The following SEC14L1 variants were observed in gnomAD, a reference collection of about 807,000 sequenced individuals.
SEC14L1 encodes the protein SEC14 like lipid binding 1, also known as SEC14-like protein 1.
SEC14L1 carries 48 observed loss-of-function variants against 85.3 expected under a neutral mutation model. That is an observed-to-expected ratio of 0.56 (90% CI 0.45 to 0.72). SEC14L1 has a LOEUF of 0.72. Among genes scored for constraint, SEC14L1 ranks in the 30% least tolerant of loss-of-function variants. The probability of loss-of-function intolerance (pLI) is 0.00; values close to 1 mark genes in which losing one functional copy is unlikely to be tolerated. For synonymous variants in SEC14L1, 391 were observed against 355.5 expected, an observed-to-expected ratio of 1.10 and a Z score of -1.12; for missense variants, 682 against 921.4, an observed-to-expected ratio of 0.74 and a Z score of 3.36.
intron 8 of SEC14L1, 54 bp from the exon 9 acceptor site, chr17:77,200,430 A>G (rs1976074188): frequency 6.7e-7 from 1 of 1,498,234 alleles, no homozygotes; most frequent in Non-Finnish European, 9.2e-7. Flanking sequence ...CAGCCTCCCA[A>G]AGTTCCCTTC....
Position 77,215,723 on chromosome 17 carries a change from C to T in SEC14L1, c.*1700C>T, listed in dbSNP as rs1161205970. 48 of 990,944 alleles carry T rather than the reference C, an allele frequency of 4.8e-5. No homozygotes were observed. Among genetic ancestry groups the T allele is most frequent in the Non-Finnish European group, 5.6e-5 (47 of 833,446 alleles). 61.4% of individuals were successfully genotyped at this position (990,944 alleles called of 1,614,324 possible). A position where few individuals can be genotyped will look rare whatever the true frequency, so the allele number is the denominator to read the frequency against. On this transcript the variant is annotated 3_prime_UTR_variant, in exon 17 of 17. Transcript: ENST00000436233. Reference sequence around the variant, plus strand: ...TGCTTCCGGAAAGCGCGGTAGGGTTCGTAGGTAGGGCTAGTAGGTAGGGTT... The same window carrying T: ...TGCTTCCGGAAAGCGCGGTAGGGTTTGTAGGTAGGGCTAGTAGGTAGGGTT...
intron 8 of SEC14L1, chr17:77,198,973 A>G (rs533683154): frequency 6.6e-6 from 1 of 151,698 alleles, no homozygotes; most frequent in Non-Finnish European, 1.5e-5. Flanking sequence ...TTTTTGAGAT[A>G]AACTTTCAAG....
In SEC14L1 at chr17:77,191,240, T is replaced by C; in HGVS notation, c.273T>C (p.Arg91=). The C allele has an allele frequency of 6.2e-7, 1 of 1,613,878 alleles. No individual in the cohort carries two copies. The highest frequency in any genetic ancestry group is 1.1e-5 in the South Asian group (1 of 91,078). The change falls in exon 5 of 17, where the codon CGT becomes CGC. Residue 91 remains arginine, a synonymous_variant. Coordinates refer to ENST00000436233, the MANE Select transcript of SEC14L1 (RefSeq NM_001143998.2). The stretch of plus-strand genomic sequence containing the variant: ...AAAACTCACTGAATTCTCGGGAACG[T>C]ACTTTGCACATTGAGGCTTATAATG... The part of the protein sequence containing the change: ...VQKNSLNSRE[R]TLHIEAYNET...
At chr17:77,154,047 C>G (rs947923026) in intron 3 of SEC14L1, among the ~76,000 whole-genome samples, 2 of 152,062 alleles carry the variant, frequency 1.3e-5, no homozygotes, top group South Asian at 2.1e-4. Flanking sequence ...AACCGTGGAT[C>G]AGAAATGTTC....
chr17:77,175,126 G>A (rs1555623845), intron 3 of SEC14L1, among the ~76,000 whole-genome samples: 1 of 152,220 alleles, frequency 6.6e-6, no homozygotes, highest in Non-Finnish European at 1.5e-5. Flanking sequence ...AGAAACAAGA[G>A]AGTATAAGGA....
chr17:77,195,255 C>G (rs1459711260), intron 7 of SEC14L1, among the ~76,000 whole-genome samples: 2 of 151,646 alleles, frequency 1.3e-5, no homozygotes, highest in East Asian at 1.9e-4. Context: ...CTCGGCCTCC[C>G]AAAGTGCTGG....
intron 3 of SEC14L1, among the ~76,000 whole-genome samples, chr17:77,156,790 C>G (rs185306875): frequency 6.6e-6 from 1 of 152,178 alleles, no homozygotes; most frequent in African/African-American, 2.4e-5. Context: ...GAATCTGATG[C>G]AAATCATGTT....
chr17:77,187,225 T>C (rs1288472505), intron 3 of SEC14L1, among the ~76,000 whole-genome samples: 2 of 152,142 alleles, frequency 1.3e-5, no homozygotes, highest in African/African-American at 2.4e-5. Flanking sequence ...GCTCAACCCA[T>C]ACAACCTTAC....
At chr17:77,103,955 G>A (rs372023479) in intron 3 of SEC14L1, among the ~76,000 whole-genome samples, 6 of 151,238 alleles carry the variant, frequency 4.0e-5, no homozygotes, top group African/African-American at 1.5e-4. Flanking sequence ...CACCTGGCAC[G>A]CCCTGCCCCT....
chr17:77,170,195 A>G (rs1974463829), intron 3 of SEC14L1, among the ~76,000 whole-genome samples: 1 of 152,144 alleles, frequency 6.6e-6, no homozygotes, highest in Non-Finnish European at 1.5e-5. Flanking sequence ...TAGCTGGGGA[A>G]AGGAAGCTAA....
intron 3 of SEC14L1, among the ~76,000 whole-genome samples, chr17:77,117,301 C>T (rs943741005): frequency 6.6e-6 from 1 of 151,970 alleles, no homozygotes; most frequent in African/African-American, 2.4e-5. Flanking sequence ...GAGCCAAGAT[C>T]GAGCCACTGC....
At chr17:77,147,890 T>G (rs1973383034) in intron 3 of SEC14L1, among the ~76,000 whole-genome samples, 1 of 152,136 alleles carries the variant, frequency 6.6e-6, no homozygotes, top group Non-Finnish European at 1.5e-5. Flanking sequence ...TTGATCAGTT[T>G]TAACCAAAGG....
rs535622497 is a variant in SEC14L1, at chr17:77,125,720, G to A, written c.-135-16926G>A. ...CTAGGCTTTCACTCGGGGCCTTCCT[G>A]TGCTGGAGGCCCCTGGCCATCCCAC... is the stretch of plus-strand genomic sequence containing the variant. On this transcript the variant is annotated intron_variant, in intron 3 of 19. Transcript: ENST00000392476. Among the ~76,000 whole-genome samples the A allele has an allele frequency of 5.3e-5, 8 of 152,346 alleles. No homozygotes were observed. In the South Asian group the frequency reaches 1.7e-3, roughly 32 times the overall value.
chr17:77,169,923 G>A (rs973899564), intron 3 of SEC14L1, among the ~76,000 whole-genome samples: 3 of 152,156 alleles, frequency 2.0e-5, no homozygotes, highest in Non-Finnish European at 4.4e-5. Context: ...ACAACCTATT[G>A]AGGAGGTCCA....
intron 3 of SEC14L1, among the ~76,000 whole-genome samples, chr17:77,165,965 G>T (rs117763175): frequency 0.03 from 4,537 of 152,220 alleles, 93 homozygotes; most frequent in Non-Finnish European, 0.045. Flanking sequence ...CATTCAGAAG[G>T]TCCCCCTCCT....
chr17:77,185,085 G>A, intron 3 of SEC14L1: 1 of 401,768 alleles, frequency 2.5e-6, no homozygotes, highest in Non-Finnish European at 3.4e-6. Flanking sequence ...CAAAAGGCAG[G>A]ACTTATCTTT....
At chr17:77,101,686 C>G (rs949122994) in intron 3 of SEC14L1, among the ~76,000 whole-genome samples, 1 of 152,156 alleles carries the variant, frequency 6.6e-6, no homozygotes, top group Non-Finnish European at 1.5e-5. Flanking sequence ...GCTGGAGATT[C>G]GGCAGTTCTC....
At chr17:77,138,771 C>T (rs1972869070), upstream of SEC14L1, among the ~76,000 whole-genome samples, 1 of 152,120 alleles carries the variant, frequency 6.6e-6, no homozygotes, top group South Asian at 2.1e-4. Flanking sequence ...CTGCAGACGG[C>T]TATGATTATG....
At chr17:77,207,319 T>TTGG (rs35833277) in intron 13 of SEC14L1, among the ~76,000 whole-genome samples, 24,483 of 146,698 alleles carry the variant, frequency 0.17, 2,373 homozygotes, top group Middle Eastern at 0.23. Context: ...GCAGCCTGAC[T>TTGG]TGGTGGGCTC....
Sources: gnomAD v4.1 joint callset for allele counts (sites outside exome capture counted in the v4.1 genomes callset) on GRCh38, gnomAD v4.1.1 for gene constraint, MANE v1.5 for transcripts, NCBI Gene and HGNC (gene_info 2026-07-23, HGNC 2026-07-21) for gene names.